Variants in PIK3R2 observed in about 807,000 individuals in gnomAD.
PIK3R2 encodes the protein phosphoinositide-3-kinase regulatory subunit 2.
A neutral mutation model predicts 78.5 loss-of-function variants in PIK3R2; 40 were observed. That is an observed-to-expected ratio of 0.51 (90% confidence interval 0.40 to 0.66). The LOEUF is 0.66. Ranked by LOEUF, PIK3R2 falls within the 30% of genes least tolerant of loss-of-function variation. The pLI is 0.00. For synonymous variants in PIK3R2, 473 were observed against 457.7 expected (o/e 1.03, Z -0.43); for missense variants, 880 against 1,026.6 (o/e 0.86, Z 1.95).
Position 18,168,763 on chromosome 19 carries a change from C to T in PIK3R2, c.1846C>T (p.His616Tyr). Residue 616 changes from histidine (H) to tyrosine (Y), a missense_variant, in exon 15 of 16, where the codon CAC becomes TAC. By Grantham distance (83) the His-to-Tyr change is moderately conservative. Around this residue, in one of 3 missense-constraint regions of PIK3R2, gnomAD observed 268 missense variants for 299.1 expected, o/e 0.90. Coordinates refer to ENST00000222254, the MANE Select transcript of PIK3R2 (RefSeq NM_005027.4). This position sits in a 1 kb window ranked among gnomAD's most constrained non-coding sequence, Gnocchi z 4.1. ...ALMEDEDDLP[H>Y]HEERTWYVGK... ...CATGGAGGACGAGGACGATCTCCCG[C>T]ACCACGAGGAACGCACTTGGTACGT... 2 of 1,613,812 alleles carry T rather than the reference C, an allele frequency of 1.2e-6. No homozygotes were observed.
At position 18,170,466 on chromosome 19, in the gene PIK3R2, C is replaced by T. The variant is rs535623821; in HGVS notation, c.*1172C>T. The T allele has an allele frequency of 1.3e-5, 2 of 152,258 alleles. No individual in the cohort carries two copies. The highest frequency in any genetic ancestry group is 3.9e-4 in the East Asian group (2 of 5,182). The allele number at this position is 152,258 out of a possible 1,614,324, so 9.4% of individuals were successfully genotyped here. ...TGCCCTTGGCCACCACACTGCCTGC[C>T]CCACGAGCTGGGAGGCAGGTTTTGT... On this transcript the variant is annotated 3_prime_UTR_variant, in exon 16 of 16. Coordinates refer to ENST00000222254, the MANE Select transcript of PIK3R2 (RefSeq NM_005027.4).
rs779181369 is a variant in PIK3R2 at position 18,169,730 on chromosome 19, C to T, written c.*436C>T. The T allele has an allele frequency of 6.3e-5, 13 of 205,838 alleles. No individual in the cohort carries two copies. Among genetic ancestry groups the T allele is most frequent in the Admixed American group, 4.2e-4 (7 of 16,738 alleles). The allele number at this position is 205,838 out of a possible 1,614,324, so 12.8% of individuals were successfully genotyped here. Reference sequence around the variant, plus strand: ...GCACCCTGATTTTTAAGCCATAGACCTGGGGTCAGGGCAGGAAGGAACTTC... The same window carrying T: ...GCACCCTGATTTTTAAGCCATAGACTTGGGGTCAGGGCAGGAAGGAACTTC... On this transcript the variant is annotated 3_prime_UTR_variant, in exon 16 of 16. Transcript: ENST00000222254.
chr19:18,162,371 G>C (rs750935420), intron 8 of PIK3R2, 37 bp from the exon 9 acceptor site: 1 of 1,605,286 alleles, frequency 6.2e-7, no homozygotes, highest in Non-Finnish European at 8.5e-7. Flanking sequence ...GGGGTCTCCA[G>C]GTGGCTCGGC....
chr19:18,168,565 G>C lies in PIK3R2; in HGVS notation c.1808+19G>C. On this transcript the variant is annotated intron_variant, in intron 14 of 15. Coordinates refer to ENST00000222254, the MANE Select transcript of PIK3R2 (RefSeq NM_005027.4). This position sits in a 1 kb window ranked among gnomAD's most constrained non-coding sequence, Gnocchi z 4.1. ...CTGAGGAGTGAGTGACCGTCTGGAGGGAGGCAGGGAGGGCTTCCCAGAGGA... is the reference window on the plus strand; with the variant it reads ...CTGAGGAGTGAGTGACCGTCTGGAGCGAGGCAGGGAGGGCTTCCCAGAGGA... 3.8e-6 allele frequency: 3 copies of C among 781,668 alleles called. No individual in the cohort carries two copies. Among genetic ancestry groups the C allele is most frequent in the African/African-American group, 1.7e-5 (1 of 59,276 alleles). 48.4% of individuals were successfully genotyped at this position (781,668 alleles called of 1,614,324 possible).
At chr19:18,153,937 G>A (rs1313904540) in intron 1 of PIK3R2, among the ~76,000 whole-genome samples, 1 of 152,160 alleles carries the variant, frequency 6.6e-6, no homozygotes, top group Non-Finnish European at 1.5e-5. Context: ...GGTAAATTGG[G>A]CACCCGAGAA....
At chr19:18,160,637 A>G in intron 3 of PIK3R2, 74 bp downstream of exon 3, 3 of 1,174,022 alleles carry the variant, frequency 2.6e-6, no homozygotes, top group East Asian at 5.1e-5. Flanking sequence ...ATCCTCTCAC[A>G]GGGCCTCCAA....
chr19:18,154,947 C>T (rs1568632544), intron 1 of PIK3R2, among the ~76,000 whole-genome samples: 1 of 149,944 alleles, frequency 6.7e-6, no homozygotes, highest in South Asian at 2.1e-4. Flanking sequence ...GGCAAGGTGG[C>T]TCATGCCTGT....
rs1270960347 is a variant in PIK3R2, at chr19:18,168,625, A to G, written c.1808+79A>G. ...TTGGGGTGGGTTTCGAAGAATGAGT[A>G]GGAGTTCACCAGGGAGGAAAAGTTG... On this transcript the variant is annotated intron_variant, in intron 14 of 15. Coordinates refer to ENST00000222254, the MANE Select transcript of PIK3R2 (RefSeq NM_005027.4). The surrounding 1 kb of genome is among the most constrained non-coding windows in gnomAD (Gnocchi z 4.1). 3 of 1,008,776 alleles carry G rather than the reference A, an allele frequency of 3.0e-6. No homozygotes were observed. In the African/African-American group the frequency reaches 4.7e-5, roughly 16 times the overall value. The allele number at this position is 1,008,776 out of a possible 1,614,324, so 62.5% of individuals were successfully genotyped here.
chr19:18,167,394 TC>T lies in PIK3R2; in HGVS notation c.1736+90del. ...CTCTAGGAGTCTCAGTCTCTCTCTC[TC>T]CACCAAGTGGCCCTTCCTGGGCCCC... On this transcript the variant is annotated intron_variant, in intron 13 of 15. Transcript: ENST00000222254. The surrounding 1 kb of genome is among the most constrained non-coding windows in gnomAD (Gnocchi z 4.5). The T allele has an allele frequency of 4.2e-6, 5 of 1,192,218 alleles. No individual in the cohort carries two copies. Among genetic ancestry groups the T allele is most frequent in the Non-Finnish European group, 5.7e-6 (5 of 880,884 alleles). 73.9% of individuals were successfully genotyped at this position (1,192,218 alleles called of 1,614,324 possible).
intron 2 of PIK3R2, among the ~76,000 whole-genome samples, chr19:18,158,544 A>G (rs1489851558): frequency 6.7e-6 from 1 of 149,986 alleles, no homozygotes; most frequent in East Asian, 1.9e-4. Flanking sequence ...AGGCAAGTGG[A>G]TCGTTAGGGG....
At chr19:18,159,181 G>C (rs1377872578) in intron 2 of PIK3R2, among the ~76,000 whole-genome samples, 1 of 39,732 alleles carries the variant, frequency 2.5e-5, no homozygotes, top group East Asian at 9.1e-4. Context: ...TTAAGAGATG[G>C]GGTCTCACTC....
chr19:18,162,930 G>T, intron 9 of PIK3R2, 37 bp from the exon 10 acceptor site: 2 of 1,594,628 alleles, frequency 1.3e-6, no homozygotes, highest in Non-Finnish European at 1.7e-6. Flanking sequence ...TCAGGTGCGG[G>T]GTCCCACTGG....
At chr19:18,162,729 T>TAA in intron 9 of PIK3R2, 1 of 491,140 alleles carries the variant, frequency 2.0e-6, no homozygotes, top group Non-Finnish European at 3.7e-6. Flanking sequence ...ACTAAAAAAT[T>TAA]AAAAAAAAAA....
In PIK3R2 at chr19:18,162,207, C is replaced by T. The variant is rs2147951749; in HGVS notation, c.907C>T (p.Pro303Ser). The T allele has an allele frequency of 6.4e-7, 1 of 1,561,978 alleles. No individual in the cohort carries two copies. Among genetic ancestry groups the T allele is most frequent in the Non-Finnish European group, 8.8e-7 (1 of 1,135,412 alleles). The change falls in exon 8 of 16, where the codon CCG becomes TCG. Residue 303 changes from proline to serine, a missense_variant. Physicochemically the swap from Pro to Ser is moderately conservative, Grantham distance 74. Transcript: ENST00000222254. ...TTTGTTTTCCTGTCCCCCAGCGCTGCCGCCTAAACCCCCCAAGGCAAAGCC... is the reference window on the plus strand; with the variant it reads ...TTTGTTTTCCTGTCCCCCAGCGCTGTCGCCTAAACCCCCCAAGGCAAAGCC... Reference protein sequence around the residue: ...EEQEVAPPALPPKPPKAKPAS... With the variant: ...EEQEVAPPALSPKPPKAKPAS...
chr19:18,165,848 C>T (rs761576982), intron 11 of PIK3R2, among the ~76,000 whole-genome samples: 3 of 152,048 alleles, frequency 2.0e-5, no homozygotes, highest in Admixed American at 6.6e-5. Context: ...TAAGGAAAGT[C>T]GTAGTGCGGC....
chr19:18,160,558 G>T lies in PIK3R2; in HGVS notation c.410G>T (p.Arg137Met). 6.2e-7 allele frequency: 1 copy of T among 1,611,882 alleles called. No individual in the cohort carries two copies. Among genetic ancestry groups the T allele is most frequent in the East Asian group, 2.2e-5 (1 of 44,808 alleles). The change falls in exon 3 of 16, where the codon AGG becomes ATG. Residue 137 changes from arginine (R) to methionine (M), a missense_variant. Around this residue, in one of 3 missense-constraint regions of PIK3R2, gnomAD observed 456 missense variants for 486.6 expected, o/e 0.94. Coordinates refer to ENST00000222254, the MANE Select transcript of PIK3R2 (RefSeq NM_005027.4). ...LLVKLVEAIE[R>M]TGLDSESHYR... ...GTGAAGCTTGTGGAGGCCATTGAAA[G>T]GACAGGTAAGTTCCAGCCTGGCTGC...
At chr19:18,159,144 C>CTTTTTTTTTTTTTTTTGTTTTT (rs2043713133) in intron 2 of PIK3R2, among the ~76,000 whole-genome samples, 1 of 50,054 alleles carries the variant, frequency 2.0e-5, no homozygotes, top group Non-Finnish European at 3.4e-5. Flanking sequence ...GCCTGGCCTC[C>CTTTTTTTTTTTTTTTTGTTTTT]TTTTTTTTTT....
chr19:18,169,234 C>T lies in PIK3R2; in HGVS notation c.2127C>T (p.Thr709=), dbSNP rs112813367. The T allele has an allele frequency of 0.061, 97,451 of 1,593,102 alleles. 3,341 individuals are homozygous for T. Among genetic ancestry groups the T allele is most frequent in the Non-Finnish European group, 0.071 (82,981 of 1,176,046 alleles). The change falls in exon 16 of 16, where the codon ACC becomes ACT. Residue 709 remains threonine, a synonymous_variant. Coordinates refer to ENST00000222254, the MANE Select transcript of PIK3R2 (RefSeq NM_005027.4). The stretch of plus-strand genomic sequence containing the variant: ...TGGTGCAGCACAACGACGCGCTCAC[C>T]GTCACCCTGGCGCACCCAGTGCGCG... ...ASLVQHNDAL[T]VTLAHPVRAP...
Position 18,170,269 on chromosome 19 carries a change from C to T in PIK3R2, c.*975C>T, listed in dbSNP as rs1326401942. Reference sequence around the variant, plus strand: ...CCAACCCCTCCTAGGAATCACAGCTCCCCGTACTGGTGCCGCCGCAGTGGC... The same window carrying T: ...CCAACCCCTCCTAGGAATCACAGCTTCCCGTACTGGTGCCGCCGCAGTGGC... On this transcript the variant is annotated 3_prime_UTR_variant, in exon 16 of 16. Transcript: ENST00000222254. 2 of 152,482 alleles carry T rather than the reference C, an allele frequency of 1.3e-5. No individual in the cohort carries two copies. The highest frequency in any genetic ancestry group is 3.8e-4 in the East Asian group (2 of 5,204). The allele number at this position is 152,482 out of a possible 1,614,324, so 9.4% of individuals were successfully genotyped here. A position where few individuals can be genotyped will look rare whatever the true frequency, so the allele number is the denominator to read the frequency against.
Sources: allele counts gnomAD v4.1 joint callset (sites outside exome capture counted in the v4.1 genomes callset), GRCh38; gene constraint gnomAD v4.1.1; regional missense constraint gnomAD v4.1.1; non-coding constraint Gnocchi (gnomAD v3.1); transcripts MANE v1.5; gene names NCBI Gene and HGNC (gene_info 2026-07-23, HGNC 2026-07-21).